C9orf57: variants seen among roughly 807,000 people sequenced by gnomAD.
C9orf57 encodes uncharacterized protein C9orf57.
C9orf57 carries 12 observed loss-of-function variants against 12.9 expected under a neutral mutation model. That is an observed-to-expected ratio of 0.93 (90% CI 0.60 to 1.51). The LOEUF (loss-of-function observed/expected upper bound fraction) is 1.51, where lower values mean the gene tolerates loss of function less well. Ranked by LOEUF, C9orf57 falls within the 40% of genes most tolerant of loss-of-function variation. The pLI is 0.00. For synonymous variants in C9orf57, 49 were observed against 57.1 expected (o/e 0.86, Z 0.64); for missense variants, 141 against 162.8 (o/e 0.87, Z 0.73).
Position 72,056,950 on chromosome 9 carries a change from C to T in C9orf57, c.98-107G>A, listed in dbSNP as rs1824217653. ...TTGAGACAGGGTTGCACTCCTGTTA[C>T]CCAGGCTGGAGTGCAGTGGCACAAT... On this transcript the variant is annotated intron_variant, in intron 2 of 4. Transcript: ENST00000651200. The T allele has an allele frequency of 8.7e-5, 76 of 874,776 alleles. No individual in the cohort carries two copies. The South Asian group carries it at 9.4e-4, about 11-fold the overall frequency. 54.2% of individuals were successfully genotyped at this position (874,776 alleles called of 1,614,324 possible).
chr9:72,051,486 A>G lies in C9orf57; in HGVS notation c.*810T>C, dbSNP rs904446442. ...AAATTAAATTAATGCAGTACTCTTC[A>G]TGCTGCCAAAGTAGGGCATTGTAAT... On this transcript the variant is annotated 3_prime_UTR_variant, in exon 5 of 5. Transcript: ENST00000651200. The G allele has an allele frequency of 6.6e-6, 1 of 152,228 alleles. No individual in the cohort carries two copies. The highest frequency in any genetic ancestry group is 1.5e-5 in the Non-Finnish European group (1 of 68,044). The allele number at this position is 152,228 out of a possible 1,614,324, so 9.4% of individuals were successfully genotyped here.
Position 72,051,466 on chromosome 9 carries a change from A to G in C9orf57, c.*830T>C, listed in dbSNP as rs968715184. On this transcript the variant is annotated 3_prime_UTR_variant, in exon 5 of 5. Coordinates refer to ENST00000651200, the MANE Select transcript of C9orf57 (RefSeq NM_001128618.2). ...TTTAAATTAAATTTTAAATTAAATT[A>G]AATTAATGCAGTACTCTTCATGCTG... 1 of 152,228 alleles carries G rather than the reference A, an allele frequency of 6.6e-6. No individual in the cohort carries two copies. Among genetic ancestry groups the G allele is most frequent in the African/African-American group, 2.4e-5 (1 of 41,464 alleles). The allele number at this position is 152,228 out of a possible 1,614,324, so 9.4% of individuals were successfully genotyped here.
rs759518330 is a variant in C9orf57 at position 72,052,129 on chromosome 9, T to G, written c.*167A>C. The G allele has an allele frequency of 3.1e-6, 2 of 643,660 alleles. No homozygotes were observed. The highest frequency in any genetic ancestry group is 3.7e-5 in the African/African-American group (2 of 53,886). The allele number at this position is 643,660 out of a possible 1,614,324, so 39.9% of individuals were successfully genotyped here. On this transcript the variant is annotated 3_prime_UTR_variant, in exon 5 of 5. Transcript: ENST00000651200. ...TGAGTTGGAGGTGGTGGGGGAGATA[T>G]TGGGAATATTGAAAACCAAAGTCAA...
In C9orf57 at chr9:72,056,120, G is replaced by T. The variant is rs1455287074; in HGVS notation, c.234C>A (p.Cys78Ter). 6.4e-7 allele frequency: 1 copy of T among 1,551,204 alleles called. No individual in the cohort carries two copies. The highest frequency in any genetic ancestry group is 8.7e-7 in the Non-Finnish European group (1 of 1,146,684). The change falls in exon 4 of 5, where the codon TGC becomes TGA. Residue 78 changes from cysteine (C) to a stop codon, truncating the protein, a stop_gained. Coordinates refer to ENST00000651200, the MANE Select transcript of C9orf57 (RefSeq NM_001128618.2). LOFTEE classifies it low-confidence loss of function (END_TRUNC). Reference protein sequence around the residue: ...FHGCLLDLGTCQAEPGQYCKE... With the variant: ...FHGCLLDLGT ...TACAGTACTGACCAGGTTCTGCCTG[G>T]CAGGTTCCCAGGTCTAAAAGACATC...
intron 3 of C9orf57, among the ~76,000 whole-genome samples, chr9:72,056,469 G>A (rs371278018): frequency 5.3e-5 from 8 of 151,926 alleles, no homozygotes; most frequent in African/African-American, 9.6e-5. Flanking sequence ...TTGTGAGTAC[G>A]TGAGTGGTGT....
At chr9:72,059,701 A>G (rs1009692604) in intron 1 of C9orf57, among the ~76,000 whole-genome samples, 1 of 152,110 alleles carries the variant, frequency 6.6e-6, no homozygotes, top group Admixed American at 6.6e-5. Context: ...GGTGCCTGCA[A>G]TCCCAGCTAC....
intron 2 of C9orf57, 62 bp from the exon 3 acceptor site, chr9:72,056,905 A>G: frequency 7.7e-7 from 1 of 1,306,664 alleles, no homozygotes; most frequent in Non-Finnish European, 1.1e-6. Flanking sequence ...ATACATATAT[A>G]TGTATACTTT....
rs1589299858 is a variant in C9orf57 at position 72,055,380 on chromosome 9, CCTTCCTTCCTTCCTTCCT to C, written c.280+676_280+693del. On this transcript the variant is annotated intron_variant, in intron 4 of 4. Transcript: ENST00000651200. ...TCCCTCCCTCCCTCCCTCCCTCCTT[CCTTCCTTCCTTCCTTCCT>C]TCCTTCCTTCCTTCCTTCCTTCCTT... 7.6e-3 allele frequency among the ~76,000 whole-genome samples: 268 copies of C among 35,496 alleles called. 20 individuals are homozygous for C. Among genetic ancestry groups the C allele is most frequent in the East Asian group, 0.014 (20 of 1,382 alleles). 23.3% of individuals were successfully genotyped at this position (35,496 alleles called of 152,430 possible).
chr9:72,056,211 G>A lies in C9orf57; in HGVS notation c.158-15C>T, dbSNP rs774627303. ...ACCTCCAACATCTCCAAGTACAGGG[G>A]CAGAAAAATGAGAAAGTAGTGATAG... On this transcript the variant is annotated splice_polypyrimidine_tract_variant and intron_variant, in intron 3 of 4. Coordinates refer to ENST00000651200, the MANE Select transcript of C9orf57 (RefSeq NM_001128618.2). 7.1e-6 allele frequency: 11 copies of A among 1,541,936 alleles called. No individual in the cohort carries two copies. The highest frequency in any genetic ancestry group is 2.8e-5 in the African/African-American group (2 of 72,726).
chr9:72,055,699 G>A (rs367552157), intron 4 of C9orf57, among the ~76,000 whole-genome samples: 1 of 152,092 alleles, frequency 6.6e-6, no homozygotes, highest in African/African-American at 2.4e-5. Context: ...CATGCAACTG[G>A]TGCACAGGGC....
At chr9:72,059,528 AG>A in intron 1 of C9orf57, 144 bp from the exon 2 acceptor site, 3 of 1,086,846 alleles carry the variant, frequency 2.8e-6, no homozygotes, top group Non-Finnish European at 3.9e-6. Flanking sequence ...TTTATAAAAA[AG>A]TCACCATATG....
At chr9:72,060,459 T>C (rs898397292) in intron 1 of C9orf57, 38 bp downstream of exon 1, 9 of 1,007,154 alleles carry the variant, frequency 8.9e-6, no homozygotes, top group Non-Finnish European at 1.2e-5. Context: ...AATTGTAAGA[T>C]TGGGTAAAGT....
chr9:72,056,593 T>C (rs922737327), intron 3 of C9orf57, among the ~76,000 whole-genome samples, 191 bp downstream of exon 3: 2 of 152,050 alleles, frequency 1.3e-5, no homozygotes, highest in African/African-American at 4.8e-5. Flanking sequence ...TACTTAATCG[T>C]TCGTGTCTCA....
chr9:72,058,068 G>C (rs940651923), intron 2 of C9orf57, among the ~76,000 whole-genome samples: 25 of 152,176 alleles, frequency 1.6e-4, no homozygotes, highest in Non-Finnish European at 2.8e-4. Flanking sequence ...TTGAGAATTT[G>C]TATTTTAGAT....
At chr9:72,057,387 G>C (rs560459861) in intron 2 of C9orf57, among the ~76,000 whole-genome samples, 1 of 151,648 alleles carries the variant, frequency 6.6e-6, no homozygotes, top group African/African-American at 2.4e-5. Context: ...CACCAGGCCC[G>C]GCTAATATTT....
At chr9:72,058,285 C>T (rs766382161) in intron 2 of C9orf57, among the ~76,000 whole-genome samples, 7 of 152,090 alleles carry the variant, frequency 4.6e-5, no homozygotes, top group Non-Finnish European at 7.3e-5. Flanking sequence ...CTCAGCTTCC[C>T]GAGTAGCTGG....
At chr9:72,058,461 T>G (rs577035162) in intron 2 of C9orf57, among the ~76,000 whole-genome samples, 1 of 152,132 alleles carries the variant, frequency 6.6e-6, no homozygotes, top group African/African-American at 2.4e-5. Context: ...GCGGCCAGCC[T>G]TAGGGATCTT....
At chr9:72,056,963 G>A (rs946985205) in intron 2 of C9orf57, 120 bp from the exon 3 acceptor site, 4 of 731,338 alleles carry the variant, frequency 5.5e-6, no homozygotes, top group East Asian at 2.9e-5. Context: ...AGGCTGGAGT[G>A]CAGTGGCACA....
rs534209009 is a variant in C9orf57 at position 72,055,523 on chromosome 9, C to T, written c.280+551G>A. ...CACTGTGGCCTCAACCTCCTGGGCT[C>T]GGGTGATCCTCCCACCTGGCCTCCC... is the stretch of plus-strand genomic sequence containing the variant. On this transcript the variant is annotated intron_variant, in intron 4 of 4. Coordinates refer to ENST00000651200, the MANE Select transcript of C9orf57 (RefSeq NM_001128618.2). 3.6e-4 allele frequency among the ~76,000 whole-genome samples: 54 copies of T among 151,870 alleles called. No individual in the cohort carries two copies. In the South Asian group the frequency reaches 0.01, roughly 29 times the overall value.
Sources: gnomAD v4.1 joint callset for allele counts (sites outside exome capture counted in the v4.1 genomes callset) on GRCh38, gnomAD v4.1.1 for gene constraint, MANE v1.5 for transcripts, NCBI Gene and HGNC (gene_info 2026-07-23, HGNC 2026-07-21) for gene names.